The following ABLIM1 variants were observed in gnomAD, a reference collection of about 807,000 sequenced individuals.
ABLIM1 encodes actin binding LIM protein 1.
A neutral mutation model predicts 107.0 loss-of-function variants in ABLIM1; 40 were observed. That is an observed-to-expected ratio of 0.37 (90% CI 0.29 to 0.49). ABLIM1 has a LOEUF of 0.49. ABLIM1 is among the 20% of genes least tolerant of loss of function. The probability of loss-of-function intolerance (pLI) is 0.97; values close to 1 mark genes in which losing one functional copy is unlikely to be tolerated. For synonymous variants in ABLIM1, 357 were observed against 357.3 expected, an observed-to-expected ratio of 1.00 and a Z score of 0.01; for missense variants, 857 against 1,008.5, an observed-to-expected ratio of 0.85 and a Z score of 2.04.
At chr10:114,792,411 T>C in the ABLIM1 span, among the ~76,000 whole-genome samples, 3 of 152,226 alleles carry the variant, frequency 2.0e-5, no homozygotes, top group East Asian at 3.8e-4. Context: ...ATAAGCTTTA[T>C]TTCCTTCTTG....
intron 1 of ABLIM1, among the ~76,000 whole-genome samples, chr10:114,740,604 AC>A (rs1416066963): frequency 6.6e-6 from 1 of 152,122 alleles, no homozygotes; most frequent in Admixed American, 6.6e-5. Context: ...GAAAATTAGT[AC>A]TATACTGATT....
intron 5 of ABLIM1, 89 bp from the exon 6 acceptor site, chr10:114,545,187 A>G (rs1021200705): frequency 6.8e-6 from 8 of 1,179,558 alleles, no homozygotes; most frequent in Admixed American, 1.7e-5. Context: ...GCCTTTCCAC[A>G]GAAGGGCAGG....
At chr10:114,737,963 A>C (rs2082214268) in intron 1 of ABLIM1, among the ~76,000 whole-genome samples, 3 of 152,220 alleles carry the variant, frequency 2.0e-5, no homozygotes, top group Admixed American at 2.0e-4. Context: ...AAAAACTTTT[A>C]CTAAAAAAAT....
intron 8 of ABLIM1, among the ~76,000 whole-genome samples, chr10:114,482,984 C>T (rs2057609050): frequency 6.6e-6 from 1 of 152,104 alleles, no homozygotes; most frequent in Admixed American, 6.5e-5. Flanking sequence ...TGGCTTCTTG[C>T]CAAGTGGAAG....
intron 6 of ABLIM1, among the ~76,000 whole-genome samples, chr10:114,513,689 C>A (rs1420211235): frequency 6.6e-6 from 1 of 152,102 alleles, no homozygotes; most frequent in Non-Finnish European, 1.5e-5. Context: ...CCTCATAAGC[C>A]AGGAATGAAA....
intron 4 of ABLIM1, among the ~76,000 whole-genome samples, chr10:114,548,416 A>G (rs2067637922): frequency 6.6e-6 from 1 of 152,070 alleles, no homozygotes; most frequent in African/African-American, 2.4e-5. Context: ...AAGACATCCC[A>G]GTGAGGAACC....
intron 4 of ABLIM1, among the ~76,000 whole-genome samples, chr10:114,565,891 T>C (rs2070662396): frequency 7.3e-6 from 1 of 137,470 alleles, no homozygotes; most frequent in Non-Finnish European, 1.5e-5. Flanking sequence ...GCCTCCTGGG[T>C]TCACACCATC....
At chr10:114,723,727 C>A (rs2081900044) in intron 1 of ABLIM1, among the ~76,000 whole-genome samples, 1 of 152,218 alleles carries the variant, frequency 6.6e-6, no homozygotes, top group Admixed American at 6.5e-5. Context: ...ACACAGCACA[C>A]ACTTGAGGGT....
At chr10:114,774,965 C>A in the ABLIM1 span, among the ~76,000 whole-genome samples, 1 of 152,092 alleles carries the variant, frequency 6.6e-6, no homozygotes, top group Non-Finnish European at 1.5e-5. Context: ...TCTCACACTG[C>A]TATAACGATA....
At chr10:114,547,471 G>T in intron 5 of ABLIM1, 179 bp downstream of exon 5, 1 of 779,398 alleles carries the variant, frequency 1.3e-6, no homozygotes, top group Non-Finnish European at 2.0e-6. Context: ...GTTTATAGTA[G>T]CCAAGGCAAA....
intron 6 of ABLIM1, among the ~76,000 whole-genome samples, chr10:114,513,402 C>T (rs11196773): frequency 0.024 from 3,585 of 152,136 alleles, 45 homozygotes; most frequent in South Asian, 0.053. Flanking sequence ...TATTCTACCA[C>T]CTCTTAAATC....
the ABLIM1 span, among the ~76,000 whole-genome samples, chr10:114,795,758 C>T: frequency 2.6e-5 from 4 of 151,700 alleles, no homozygotes; most frequent in African/African-American, 4.8e-5. Context: ...ACTCAGTGGT[C>T]GCACAAACCT....
At chr10:114,638,622 TAC>T (rs59605861) in intron 1 of ABLIM1, among the ~76,000 whole-genome samples, 21,246 of 143,258 alleles carry the variant, frequency 0.15, 1,616 homozygotes, top group Middle Eastern at 0.21. Context: ...ATGCCCTGCC[TAC>T]ACACACACAC....
In ABLIM1 at chr10:114,458,727, CTT is replaced by C. The variant is rs757393501; in HGVS notation, c.1442-5246_1442-5245del. 7.2e-5 allele frequency among the ~76,000 whole-genome samples: 11 copies of C among 152,276 alleles called. No homozygotes were observed. In the East Asian group the frequency reaches 2.1e-3, roughly 29 times the overall value. On this transcript the variant is annotated intron_variant, in intron 12 of 22. Coordinates refer to ENST00000533213, the MANE Select transcript of ABLIM1 (RefSeq NM_002313.7). ...AGAGGAAAGATTCCTTTCAAAGAAA[CTT>C]AATATATGTAACCCTCCTGCTCAGA...
intron 8 of ABLIM1, among the ~76,000 whole-genome samples, chr10:114,478,126 G>T (rs2056770442): frequency 6.6e-6 from 1 of 152,150 alleles, no homozygotes. Context: ...TTGAGCTAAA[G>T]ATTTTAAAAG....
chr10:114,644,597 T>A (rs1180617612), intron 1 of ABLIM1, among the ~76,000 whole-genome samples: 1 of 151,966 alleles, frequency 6.6e-6, no homozygotes, highest in African/African-American at 2.4e-5. Flanking sequence ...ACTCCTCCCC[T>A]TGCCTATGGA....
At chr10:114,555,056 C>A (rs148295114) in intron 4 of ABLIM1, among the ~76,000 whole-genome samples, 15 of 152,292 alleles carry the variant, frequency 9.8e-5, no homozygotes, top group African/African-American at 3.6e-4. Context: ...TCTCTACTGT[C>A]CTGATACCTG....
the ABLIM1 span, among the ~76,000 whole-genome samples, chr10:114,797,957 AACTG>A: frequency 6.6e-6 from 1 of 152,226 alleles, no homozygotes; most frequent in African/African-American, 2.4e-5. Flanking sequence ...CACAAAGTTG[AACTG>A]ACTATAAAAA....
intron 1 of ABLIM1, among the ~76,000 whole-genome samples, chr10:114,702,525 C>CTTTTT (rs11374796): frequency 7.7e-6 from 1 of 129,588 alleles, no homozygotes; most frequent in African/African-American, 3.0e-5. Context: ...AGTAAGAACA[C>CTTTTT]TTTTTTTTTT....
Sources: gnomAD v4.1 joint callset for allele counts (sites outside exome capture counted in the v4.1 genomes callset) on GRCh38, gnomAD v4.1.1 for gene constraint, MANE v1.5 for transcripts, NCBI Gene and HGNC (gene_info 2026-07-23, HGNC 2026-07-21) for gene names.